Variants in GUCY1A2 observed in about 807,000 individuals in gnomAD.
GUCY1A2 encodes guanylate cyclase soluble subunit alpha-2.
Under a neutral mutation model 63.5 loss-of-function variants are expected in GUCY1A2, and 27 were observed. That is an observed-to-expected ratio of 0.43 (90% CI 0.31 to 0.59). The LOEUF is 0.59. Among genes scored for constraint, GUCY1A2 ranks in the 20% least tolerant of loss-of-function variants. The probability of loss-of-function intolerance (pLI) is 0.11; values close to 1 mark genes in which losing one functional copy is unlikely to be tolerated. For synonymous variants in GUCY1A2, 364 were observed against 343.5 expected, an observed-to-expected ratio of 1.06 and a Z score of -0.66; for missense variants, 768 against 913.3, an observed-to-expected ratio of 0.84 and a Z score of 2.05.
At position 106,785,460 on chromosome 11, in the gene GUCY1A2, A is replaced by G. The variant is rs116090629; in HGVS notation, c.1693-8878T>C. ...AACCATACCTGATGGACAAATTTCT[A>G]TCACTCTCACAGTATGTATCATGTT... is the stretch of plus-strand genomic sequence containing the variant. On this transcript the variant is annotated intron_variant, in intron 5 of 7. Transcript: ENST00000526355. 4.7e-3 allele frequency among the ~76,000 whole-genome samples: 719 copies of G among 151,956 alleles called. 4 individuals are homozygous for G. Among genetic ancestry groups the G allele is most frequent in the African/African-American group, 0.017 (686 of 41,412 alleles).
At chr11:106,981,481 A>C (rs1289746665) in intron 2 of GUCY1A2, among the ~76,000 whole-genome samples, 3 of 151,526 alleles carry the variant, frequency 2.0e-5, no homozygotes, top group Non-Finnish European at 4.4e-5. Context: ...TTCTGGCAAA[A>C]AAAAAAAAAA....
At chr11:106,918,031 C>G (rs1207323266) in intron 4 of GUCY1A2, among the ~76,000 whole-genome samples, 1 of 143,414 alleles carries the variant, frequency 7.0e-6, no homozygotes, top group Admixed American at 7.0e-5. Context: ...AATTTAAATT[C>G]TCATAAAATA....
At chr11:106,884,381 G>GAAGTTAAC (rs1264910565) in intron 4 of GUCY1A2, among the ~76,000 whole-genome samples, 5 of 152,066 alleles carry the variant, frequency 3.3e-5, no homozygotes, top group Non-Finnish European at 5.9e-5. Flanking sequence ...TAGAAGAATA[G>GAAGTTAAC]AAGTTAACCG....
intron 6 of GUCY1A2, among the ~76,000 whole-genome samples, chr11:106,765,453 G>C (rs1565282630): frequency 6.6e-6 from 1 of 152,034 alleles, no homozygotes; most frequent in Non-Finnish European, 1.5e-5. Context: ...ATTCGTGGGA[G>C]GATCAGGGAT....
intron 7 of GUCY1A2, among the ~76,000 whole-genome samples, chr11:106,698,628 TAACAA>T (rs1334810222): frequency 6.6e-6 from 1 of 152,106 alleles, no homozygotes; most frequent in Non-Finnish European, 1.5e-5. Flanking sequence ...ACTAAGAAAT[TAACAA>T]TGGTATATTA....
rs987301779 is a variant in GUCY1A2 at position 106,913,825 on chromosome 11, A to G, written c.1206+25635T>C. ...TAATTAAATGCCAAAGAGATTTCCT[A>G]TAGGGGAAAATACCTTATGCTTGAA... On this transcript the variant is annotated intron_variant, in intron 4 of 7. Transcript: ENST00000526355. Among the ~76,000 whole-genome samples, 3 of 152,016 alleles carry G rather than the reference A, an allele frequency of 2.0e-5. 1 individual carries two copies. The highest frequency in any genetic ancestry group is 3.9e-4 in the East Asian group (2 of 5,168).
In GUCY1A2 at chr11:106,677,399, A is replaced by G. The variant is rs939018476; in HGVS notation, c.*10150T>C. Reference sequence around the variant, plus strand: ...CCACACTTGATATTTGGACTCTTGCATGGTTTCTCATTAGCACAAAAAATA... The same window carrying G: ...CCACACTTGATATTTGGACTCTTGCGTGGTTTCTCATTAGCACAAAAAATA... On this transcript the variant is annotated 3_prime_UTR_variant, in exon 8 of 8. Coordinates refer to ENST00000526355, the MANE Select transcript of GUCY1A2 (RefSeq NM_000855.3). 3 of 209,184 alleles carry G rather than the reference A, an allele frequency of 1.4e-5. No individual in the cohort carries two copies. Among genetic ancestry groups the G allele is most frequent in the African/African-American group, 6.8e-5 (3 of 44,026 alleles). 13.0% of individuals were successfully genotyped at this position (209,184 alleles called of 1,614,324 possible). A position where few individuals can be genotyped will look rare whatever the true frequency, so the allele number is the denominator to read the frequency against.
chr11:106,687,577 G>A lies in GUCY1A2; in HGVS notation c.2171C>T (p.Thr724Ile), dbSNP rs553102686. The A allele has an allele frequency of 3.1e-6, 5 of 1,613,792 alleles. No homozygotes were observed. Among genetic ancestry groups the A allele is most frequent in the African/African-American group, 1.3e-5 (1 of 74,884 alleles). Residue 724 changes from threonine (T) to isoleucine (I), a missense_variant, in exon 8 of 8, where the codon ACC becomes ATC. Physicochemically the swap from Thr to Ile is moderately conservative, Grantham distance 89 (BLOSUM62 -1). Transcript: ENST00000526355. ...RIKKVSYNIGTMFLRETSL is the reference protein window; with the variant it reads ...RIKKVSYNIGIMFLRETSL ...GAGGCTTGTCTCCCGGAGGAACATGGTGCCGATGTTGTAGGAAACCTTTTT... is the reference window on the plus strand; with the variant it reads ...GAGGCTTGTCTCCCGGAGGAACATGATGCCGATGTTGTAGGAAACCTTTTT...
intron 1 of GUCY1A2, among the ~76,000 whole-genome samples, chr11:107,005,411 C>T (rs1321694940): frequency 6.6e-6 from 1 of 152,026 alleles, no homozygotes; most frequent in African/African-American, 2.4e-5. Flanking sequence ...TATCCAGGAC[C>T]ACAGGTGCAT....
chr11:106,711,009 C>CT (rs1484656369), intron 6 of GUCY1A2, among the ~76,000 whole-genome samples: 1 of 152,146 alleles, frequency 6.6e-6, no homozygotes, highest in African/African-American at 2.4e-5. Flanking sequence ...GCTGCATCCC[C>CT]TTATAACCTT....
Position 106,871,557 on chromosome 11 carries a change from G to C in GUCY1A2, c.1207-61079C>G, listed in dbSNP as rs138438509. On this transcript the variant is annotated intron_variant, in intron 4 of 7. Transcript: ENST00000526355. ...CACAAGGAATTCTCCCTGTGTATCTGTCTTTGTGTTTCTTCTCTTCTTACA... is the reference window on the plus strand; with the variant it reads ...CACAAGGAATTCTCCCTGTGTATCTCTCTTTGTGTTTCTTCTCTTCTTACA... Among the ~76,000 whole-genome samples the C allele has an allele frequency of 1.4e-4, 21 of 152,206 alleles. No individual in the cohort carries two copies. In the East Asian group the frequency reaches 4.1e-3, roughly 29 times the overall value.
chr11:106,716,148 A>C lies in GUCY1A2; in HGVS notation c.1837-7482T>G, dbSNP rs75147367. ...AGCTTTGGCACATTTTTGTAACTGA[A>C]AGGAGGCCCCTCAAGGTAGCTGCTG... On this transcript the variant is annotated intron_variant, in intron 6 of 7. Transcript: ENST00000526355. Among the ~76,000 whole-genome samples the C allele has an allele frequency of 6.4e-3, 977 of 152,274 alleles. 17 individuals carry two copies. The highest frequency in any genetic ancestry group is 0.022 in the African/African-American group (901 of 41,550).
intron 4 of GUCY1A2, among the ~76,000 whole-genome samples, chr11:106,869,646 A>C (rs1433402140): frequency 2.0e-5 from 3 of 152,166 alleles, no homozygotes; most frequent in African/African-American, 7.2e-5. Flanking sequence ...GGAACATTTT[A>C]CACTGTTGGT....
At position 106,918,248 on chromosome 11, in the gene GUCY1A2, T is replaced by C. The variant is rs964019530; in HGVS notation, c.1206+21212A>G. On this transcript the variant is annotated intron_variant, in intron 4 of 7. Transcript: ENST00000526355. The stretch of plus-strand genomic sequence containing the variant: ...ACTTGCAACCACCTGTGTTCTCTCC[T>C]TGAAAAAAAATTGTGGTAAATGCAA... 1.9e-4 allele frequency among the ~76,000 whole-genome samples: 27 copies of C among 144,666 alleles called. 7 individuals carry two copies. Among genetic ancestry groups the C allele is most frequent in the Non-Finnish European group, 4.7e-5 (3 of 64,462 alleles). 94.9% of individuals were successfully genotyped at this position (144,666 alleles called of 152,430 possible). A position where few individuals can be genotyped will look rare whatever the true frequency, so the allele number is the denominator to read the frequency against.
chr11:106,877,253 A>G (rs543180007), intron 4 of GUCY1A2, among the ~76,000 whole-genome samples: 2 of 152,054 alleles, frequency 1.3e-5, no homozygotes, highest in South Asian at 4.1e-4. Context: ...GTATAGGATC[A>G]AGTCATCTGC....
Position 106,940,014 on chromosome 11 carries a change from C to T in GUCY1A2, c.652G>A (p.Ala218Thr). The change falls in exon 4 of 8, where the codon GCC (alanine) becomes ACC (threonine). Residue 218 changes from alanine to threonine, a missense_variant. Around this residue, in one of 3 missense-constraint regions of GUCY1A2, gnomAD observed 496 missense variants for 486.9 expected, o/e 1.02. Transcript: ENST00000526355. ...AGGAAAGATGGTGACTCCAGAGTGG[C>T]CTGTTTTCCAAAAGAAGTTCTAATG... ...EHIRTSFGKQ[A>T]TLESPSFLCK... 4 of 1,614,048 alleles carry T rather than the reference C, an allele frequency of 2.5e-6. No homozygotes were observed. The highest frequency in any genetic ancestry group is 2.5e-6 in the Non-Finnish European group (3 of 1,179,978).
rs74916256 is a variant in GUCY1A2 at position 106,686,369 on chromosome 11, A to G, written c.*1180T>C. On this transcript the variant is annotated 3_prime_UTR_variant, in exon 8 of 8. Coordinates refer to ENST00000526355, the MANE Select transcript of GUCY1A2 (RefSeq NM_000855.3). ...TTCACTGAATTTAAAAGCCATATCA[A>G]TCAAACTGCAGAACATTTTTTAAAA... 525 of 220,562 alleles carry G rather than the reference A, an allele frequency of 2.4e-3. 9 individuals are homozygous for G. The highest frequency in any genetic ancestry group is 2.0e-3 in the Non-Finnish European group (217 of 110,008). 13.7% of individuals were successfully genotyped at this position (220,562 alleles called of 1,614,324 possible). A position where few individuals can be genotyped will look rare whatever the true frequency, so the allele number is the denominator to read the frequency against.
chr11:106,972,940 A>G lies in GUCY1A2; in HGVS notation c.487+5679T>C, dbSNP rs186893359. Among the ~76,000 whole-genome samples, 16 of 152,208 alleles carry G rather than the reference A, an allele frequency of 1.1e-4. No individual in the cohort carries two copies. In the East Asian group the frequency reaches 3.1e-3, roughly 29 times the overall value. On this transcript the variant is annotated intron_variant, in intron 3 of 7. Transcript: ENST00000526355. ...TACTCAATATCCTTGTAACTTATAA[A>G]ACTGACTTGTATAACTTAAGGATAT... is the stretch of plus-strand genomic sequence containing the variant.
chr11:106,764,709 G>A (rs1456422005), intron 6 of GUCY1A2, among the ~76,000 whole-genome samples: 1 of 152,064 alleles, frequency 6.6e-6, no homozygotes, highest in Non-Finnish European at 1.5e-5. Context: ...GCATAATGCT[G>A]AGCACGTAGT....
Sources: gnomAD v4.1 joint callset for allele counts (sites outside exome capture counted in the v4.1 genomes callset) on GRCh38, gnomAD v4.1.1 for gene constraint, gnomAD v4.1.1 regional missense constraint, MANE v1.5 for transcripts, NCBI Gene and HGNC (gene_info 2026-07-23, HGNC 2026-07-21) for gene names.